The following KCNQ1 variants were observed in gnomAD, a reference collection of about 807,000 sequenced individuals.
The protein encoded by KCNQ1 is potassium voltage-gated channel subfamily Q member 1.
A neutral mutation model predicts 72.4 loss-of-function variants in KCNQ1; 49 were observed. That is an observed-to-expected ratio of 0.68 (90% CI 0.54 to 0.86). KCNQ1 has a LOEUF of 0.86. KCNQ1 is among the 40% of genes least tolerant of loss of function. The pLI is 0.00. For missense variants in KCNQ1, 790 were observed against 945.1 expected (o/e 0.84, Z 2.15); for synonymous variants, 450 against 412.6 (o/e 1.09, Z -1.10).
chr11:2,795,305 T>A (rs530096587), intron 15 of KCNQ1, among the ~76,000 whole-genome samples: 3 of 152,372 alleles, frequency 2.0e-5, no homozygotes, highest in African/African-American at 7.2e-5. Context: ...GTTGGGGCAC[T>A]GCACCCATGT....
intron 2 of KCNQ1, among the ~76,000 whole-genome samples, chr11:2,551,930 G>A (rs993653494): frequency 2.0e-5 from 3 of 152,186 alleles, no homozygotes; most frequent in Non-Finnish European, 4.4e-5. Context: ...TAACAATTAG[G>A]TTGTCTTCTT....
chr11:2,570,124 A>T (rs1178880193), intron 2 of KCNQ1, among the ~76,000 whole-genome samples: 4 of 152,104 alleles, frequency 2.6e-5, no homozygotes, highest in Non-Finnish European at 5.9e-5. Flanking sequence ...CCTCTGACCC[A>T]GGCTAGGGTT....
chr11:2,446,562 G>A lies in KCNQ1; in HGVS notation c.386+1078G>A, dbSNP rs779461033. ...GCAGCTGCCACCAGGGCCTCAGGGC[G>A]GGTGACAGCAGGAGCCAGGCCCCAA... On this transcript the variant is annotated intron_variant, in intron 1 of 15. Coordinates refer to ENST00000155840, the MANE Select transcript of KCNQ1 (RefSeq NM_000218.3). The surrounding 1 kb of genome is among the most constrained non-coding windows in gnomAD (Gnocchi z 8.8). Among the ~76,000 whole-genome samples, 9 of 152,198 alleles carry A rather than the reference G, an allele frequency of 5.9e-5. No individual in the cohort carries two copies. Among genetic ancestry groups the A allele is most frequent in the Non-Finnish European group, 8.8e-5 (6 of 68,020 alleles).
chr11:2,614,656 A>T, intron 10 of KCNQ1: 2 of 398,476 alleles, frequency 5.0e-6, no homozygotes, highest in Non-Finnish European at 8.9e-6. Flanking sequence ...TGAATTCTTG[A>T]TACATTTGTT....
chr11:2,506,094 T>G (rs1446463479), intron 1 of KCNQ1, among the ~76,000 whole-genome samples: 2 of 152,250 alleles, frequency 1.3e-5, no homozygotes, highest in Non-Finnish European at 2.9e-5. Context: ...CTACGTTTAC[T>G]GCGGCACTGT....
rs1847801299 is a variant in KCNQ1, at chr11:2,824,613, G to T, written c.1795-23154G>T. ...CTGAAGAAGGGGTGTGGATGAGGTT[G>T]CCTGGCAAGAGATTGCAGGGAGAGG... On this transcript the variant is annotated intron_variant, in intron 15 of 15. Transcript: ENST00000155840. This position sits in a 1 kb window ranked among gnomAD's most constrained non-coding sequence, Gnocchi z 5.9. Among the ~76,000 whole-genome samples, 1 of 152,156 alleles carries T rather than the reference G, an allele frequency of 6.6e-6. No individual in the cohort carries two copies. Among genetic ancestry groups the T allele is most frequent in the African/African-American group, 2.4e-5 (1 of 41,422 alleles).
rs57302035 is a variant in KCNQ1 at position 2,544,266 on chromosome 11, G to T, written c.477+16248G>T. On this transcript the variant is annotated intron_variant, in intron 2 of 15. Coordinates refer to ENST00000155840, the MANE Select transcript of KCNQ1 (RefSeq NM_000218.3). This position sits in a 1 kb window ranked among gnomAD's most constrained non-coding sequence, Gnocchi z 4.4. ...TGTGTGTGTATATATATATGTGTGT[G>T]TGTGTATATATATGTGTATATATAT... is the stretch of plus-strand genomic sequence containing the variant. Among the ~76,000 whole-genome samples, 1 of 138,106 alleles carries T rather than the reference G, an allele frequency of 7.2e-6. No homozygotes were observed. Among genetic ancestry groups the T allele is most frequent in the Non-Finnish European group, 1.5e-5 (1 of 64,860 alleles). The allele number at this position is 138,106 out of a possible 152,430, so 90.6% of individuals were successfully genotyped here.
At chr11:2,650,009 G>C in intron 10 of KCNQ1, 1 of 398,158 alleles carries the variant, frequency 2.5e-6, no homozygotes, top group Non-Finnish European at 4.4e-6. Flanking sequence ...AAATCTGTCT[G>C]GTTTATTGCA....
Position 2,663,644 on chromosome 11 carries a change from C to G in KCNQ1, c.1514+1563C>G. 1 of 398,716 alleles carries G rather than the reference C, an allele frequency of 2.5e-6. No individual in the cohort carries two copies. The highest frequency in any genetic ancestry group is 4.4e-6 in the Non-Finnish European group (1 of 226,108). 24.7% of individuals were successfully genotyped at this position (398,716 alleles called of 1,614,324 possible). A position where few individuals can be genotyped will look rare whatever the true frequency, so the allele number is the denominator to read the frequency against. On this transcript the variant is annotated intron_variant, in intron 11 of 15. Transcript: ENST00000155840. The surrounding 1 kb of genome is among the most constrained non-coding windows in gnomAD (Gnocchi z 5.2). ...GCATCCAGACATGCAAAAAGTCCTACTGGGAGGAGAGGGCCATCACCCACA... is the reference window on the plus strand; with the variant it reads ...GCATCCAGACATGCAAAAAGTCCTAGTGGGAGGAGAGGGCCATCACCCACA...
chr11:2,694,264 G>C, intron 11 of KCNQ1: 1 of 398,662 alleles, frequency 2.5e-6, no homozygotes, highest in East Asian at 3.6e-5. Flanking sequence ...TGCCTTTAAA[G>C]AGCCACAGCA....
In KCNQ1 at chr11:2,445,203, C is replaced by G; in HGVS notation, c.105C>G (p.Pro35=). 3.5e-6 allele frequency: 4 copies of G among 1,147,016 alleles called. No individual in the cohort carries two copies. The highest frequency in any genetic ancestry group is 4.3e-6 in the Non-Finnish European group (4 of 929,060). 71.1% of individuals were successfully genotyped at this position (1,147,016 alleles called of 1,614,324 possible). The part of the protein sequence containing the change: ...RGSAGLAKKC[P]FSLELAEGGP... ...GCGCGGGCCTGGCCAAGAAGTGCCC[C>G]TTCTCGCTGGAGCTGGCGGAGGGCG... The change falls in exon 1 of 16, where the codon CCC becomes CCG. Residue 35 remains proline (P), a synonymous_variant. Transcript: ENST00000155840.
At chr11:2,692,396 C>G in intron 11 of KCNQ1, 1 of 398,788 alleles carries the variant, frequency 2.5e-6, no homozygotes, top group East Asian at 3.6e-5. Context: ...CCATTCCAAT[C>G]AATTATCTAC....
In KCNQ1 at chr11:2,538,825, G is replaced by A. The variant is rs1444565742; in HGVS notation, c.477+10807G>A. Among the ~76,000 whole-genome samples, 5 of 147,452 alleles carry A rather than the reference G, an allele frequency of 3.4e-5. No homozygotes were observed. In the East Asian group the frequency reaches 1.0e-3, roughly 30 times the overall value. On this transcript the variant is annotated intron_variant, in intron 2 of 15. Coordinates refer to ENST00000155840, the MANE Select transcript of KCNQ1 (RefSeq NM_000218.3). The surrounding 1 kb of genome is among the most constrained non-coding windows in gnomAD (Gnocchi z 6.7). ...AGAACAAGATGGGGTGGGGTGGGGG[G>A]CAGTGAGGGGCCTGGGGCAGGAGGT... is the stretch of plus-strand genomic sequence containing the variant.
intron 12 of KCNQ1, among the ~76,000 whole-genome samples, chr11:2,773,470 A>G (rs1350968401): frequency 1.3e-5 from 2 of 151,782 alleles, no homozygotes; most frequent in African/African-American, 2.4e-5. Flanking sequence ...CCCATCTTAC[A>G]GAAAGGAGGA....
In KCNQ1 at chr11:2,766,330, G is replaced by T. The variant is rs1362902232; in HGVS notation, c.1515-2514G>T. On this transcript the variant is annotated intron_variant, in intron 11 of 15. Transcript: ENST00000155840. The surrounding 1 kb of genome is among the most constrained non-coding windows in gnomAD (Gnocchi z 4.4). ...GACATGGCAGTACTTGCATGGTGATGTGGTGGTGGCTGAGTGGTCTCTGTT... is the reference window on the plus strand; with the variant it reads ...GACATGGCAGTACTTGCATGGTGATTTGGTGGTGGCTGAGTGGTCTCTGTT... 6.6e-6 allele frequency among the ~76,000 whole-genome samples: 1 copy of T among 152,234 alleles called. No individual in the cohort carries two copies. Among genetic ancestry groups the T allele is most frequent in the Non-Finnish European group, 1.5e-5 (1 of 68,038 alleles).
In KCNQ1 at chr11:2,670,033, C is replaced by T. The variant is rs991861403; in HGVS notation, c.1514+7952C>T. 2.5e-6 allele frequency: 1 copy of T among 398,562 alleles called. No homozygotes were observed. Among genetic ancestry groups the T allele is most frequent in the Non-Finnish European group, 4.4e-6 (1 of 226,074 alleles). The allele number at this position is 398,562 out of a possible 1,614,324, so 24.7% of individuals were successfully genotyped here. A position where few individuals can be genotyped will look rare whatever the true frequency, so the allele number is the denominator to read the frequency against. On this transcript the variant is annotated intron_variant, in intron 11 of 15. Coordinates refer to ENST00000155840, the MANE Select transcript of KCNQ1 (RefSeq NM_000218.3). This position sits in a 1 kb window ranked among gnomAD's most constrained non-coding sequence, Gnocchi z 4.9. ...TGTTGGGGTCCCGTGGAGGTACAGG[C>T]GGAAACCTAGCACTCACTATTCTGC...
chr11:2,533,000 C>T (rs1254214151), intron 2 of KCNQ1, among the ~76,000 whole-genome samples: 1 of 152,070 alleles, frequency 6.6e-6, no homozygotes, highest in East Asian at 2.0e-4. Context: ...CTGCTGGCAC[C>T]CGCCAAGGAG....
At chr11:2,700,378 C>G (rs1850784562) in intron 11 of KCNQ1, among the ~76,000 whole-genome samples, 1 of 152,142 alleles carries the variant, frequency 6.6e-6, no homozygotes, top group African/African-American at 2.4e-5. Context: ...TGTTCACCAC[C>G]CCGGGGTGAC....
chr11:2,567,774 A>G lies in KCNQ1; in HGVS notation c.478-2854A>G, dbSNP rs1848267820. ...ATTCCTACCACCTTGTCCCACAGGC[A>G]GGAGTCCTGCCATCTTCGAAGGCCA... is the stretch of plus-strand genomic sequence containing the variant. On this transcript the variant is annotated intron_variant, in intron 2 of 15. Transcript: ENST00000155840. The surrounding 1 kb of genome is among the most constrained non-coding windows in gnomAD (Gnocchi z 6.6). Among the ~76,000 whole-genome samples, 1 of 152,246 alleles carries G rather than the reference A, an allele frequency of 6.6e-6. No homozygotes were observed. Among genetic ancestry groups the G allele is most frequent in the East Asian group, 1.9e-4 (1 of 5,196 alleles).
Sources: gnomAD v4.1 joint callset for allele counts (sites outside exome capture counted in the v4.1 genomes callset) on GRCh38, gnomAD v4.1.1 for gene constraint, Gnocchi (gnomAD v3.1) non-coding constraint, MANE v1.5 for transcripts, NCBI Gene and HGNC (gene_info 2026-07-23, HGNC 2026-07-21) for gene names.